The following ADORA2B variants were observed in gnomAD, a reference collection of about 807,000 sequenced individuals.
The protein encoded by ADORA2B is adenosine A2b receptor.
ADORA2B carries 18 observed loss-of-function variants against 20.8 expected under a neutral mutation model. The observed-to-expected ratio is 0.87, with a 90% CI of 0.60 to 1.29. The LOEUF is 1.29. Among genes scored for constraint, ADORA2B ranks in the 50% most tolerant of loss-of-function variants. The pLI is 0.00. For missense variants in ADORA2B, 441 were observed against 422.7 expected (o/e 1.04, Z -0.38); for synonymous variants, 179 against 178.3 (o/e 1.00, Z -0.03).
At position 15,974,791 on chromosome 17, in the gene ADORA2B, G is replaced by A. The variant is rs1210357676; in HGVS notation, c.448G>A (p.Ala150Thr). The change falls in exon 2 of 2, where the codon GCC becomes ACC. Residue 150 changes from alanine to threonine, a missense_variant. Transcript: ENST00000304222. ...PFLGWNSKDS[A>T]TNNCTEPWDG... Reference sequence around the variant, plus strand: ...CCTGGGGTGGAACAGTAAAGACAGTGCCACCAACAACTGCACAGAACCCTG... The same window carrying A: ...CCTGGGGTGGAACAGTAAAGACAGTACCACCAACAACTGCACAGAACCCTG... 1 of 1,613,500 alleles carries A rather than the reference G, an allele frequency of 6.2e-7. No homozygotes were observed. Among genetic ancestry groups the A allele is most frequent in the Non-Finnish European group, 8.5e-7 (1 of 1,179,896 alleles).
intron 1 of ADORA2B, among the ~76,000 whole-genome samples, chr17:15,963,435 T>C (rs1302951417): frequency 1.3e-5 from 2 of 152,208 alleles, no homozygotes; most frequent in Admixed American, 6.5e-5. Context: ...TGGCGGCTGA[T>C]GCTTTTGACA....
the ADORA2B span, among the ~76,000 whole-genome samples, chr17:15,872,305 C>T: frequency 5.1e-3 from 782 of 152,230 alleles, 2 homozygotes; most frequent in Admixed American, 8.9e-3. Context: ...AGTACCATGC[C>T]GTTTTGGTAA....
the ADORA2B span, among the ~76,000 whole-genome samples, chr17:15,930,889 C>A: frequency 2.0e-4 from 30 of 152,354 alleles, no homozygotes; most frequent in African/African-American, 7.0e-4. Flanking sequence ...AGTGTTTGTT[C>A]AGCACAGCTG....
the ADORA2B span, among the ~76,000 whole-genome samples, chr17:15,939,786 A>G: frequency 2.0e-5 from 3 of 149,104 alleles, no homozygotes; most frequent in Non-Finnish European, 4.4e-5. Context: ...GCATGAACCC[A>G]GGAGGCGGAG....
At chr17:15,932,796 A>G in the ADORA2B span, among the ~76,000 whole-genome samples, 1 of 152,184 alleles carries the variant, frequency 6.6e-6, no homozygotes, top group African/African-American at 2.4e-5. Flanking sequence ...GTTCTAATTC[A>G]TCAATCTATA....
chr17:15,892,360 G>A, the ADORA2B span, among the ~76,000 whole-genome samples: 1 of 152,076 alleles, frequency 6.6e-6, no homozygotes, highest in Non-Finnish European at 1.5e-5. Flanking sequence ...TAGAGACAGG[G>A]TTTTTGCCCT....
the ADORA2B span, among the ~76,000 whole-genome samples, chr17:15,869,767 A>G: frequency 1.3e-5 from 2 of 152,294 alleles, no homozygotes; most frequent in Admixed American, 6.5e-5. Flanking sequence ...GAATTAAAAT[A>G]CACACATAAA....
the ADORA2B span, among the ~76,000 whole-genome samples, chr17:15,923,094 C>T: frequency 6.3e-3 from 948 of 150,906 alleles, 7 homozygotes; most frequent in Middle Eastern, 0.027. Flanking sequence ...GTGATCTCGG[C>T]TCACTGCAAC....
chr17:15,967,961 T>C (rs1970141925), intron 1 of ADORA2B, among the ~76,000 whole-genome samples: 1 of 152,212 alleles, frequency 6.6e-6, no homozygotes, highest in South Asian at 2.1e-4. Flanking sequence ...GTTCCAATGC[T>C]TCTTGGCCTC....
At chr17:15,949,920 C>A (rs1969874931) in intron 1 of ADORA2B, among the ~76,000 whole-genome samples, 1 of 152,160 alleles carries the variant, frequency 6.6e-6, no homozygotes, top group African/African-American at 2.4e-5. Flanking sequence ...CTCCAGCTTT[C>A]CCAAGAGCTC....
intron 1 of ADORA2B, among the ~76,000 whole-genome samples, chr17:15,946,970 G>C (rs1247552634): frequency 6.6e-6 from 1 of 152,204 alleles, no homozygotes; most frequent in East Asian, 1.9e-4. Context: ...GGCCATTTGA[G>C]TAGGCAGATG....
the ADORA2B span, among the ~76,000 whole-genome samples, chr17:15,887,774 C>T: frequency 8.1e-6 from 1 of 123,002 alleles, no homozygotes. Flanking sequence ...GGTGAAACCA[C>T]GTCTCTACTA....
At chr17:15,895,967 G>A in the ADORA2B span, among the ~76,000 whole-genome samples, 1 of 152,176 alleles carries the variant, frequency 6.6e-6, no homozygotes, top group Non-Finnish European at 1.5e-5. Context: ...AGAAATGTTT[G>A]CAACTCCACC....
the ADORA2B span, among the ~76,000 whole-genome samples, chr17:15,856,320 A>C: frequency 6.6e-6 from 1 of 151,676 alleles, no homozygotes; most frequent in Non-Finnish European, 1.5e-5. Context: ...CCTTTCTACC[A>C]TGATTGTAAG....
chr17:15,875,727 C>G, the ADORA2B span, among the ~76,000 whole-genome samples: 1 of 152,164 alleles, frequency 6.6e-6, no homozygotes, highest in South Asian at 2.1e-4. Context: ...GGATTACAGG[C>G]ACATGCCACC....
chr17:15,965,142 A>AAT (rs1970099771), intron 1 of ADORA2B, among the ~76,000 whole-genome samples: 1 of 152,214 alleles, frequency 6.6e-6, no homozygotes, highest in Non-Finnish European at 1.5e-5. Context: ...TCGTCATAAC[A>AAT]ATATCCCCTC....
the ADORA2B span, among the ~76,000 whole-genome samples, chr17:15,915,326 A>G: frequency 8.5e-5 from 13 of 152,202 alleles, no homozygotes; most frequent in Admixed American, 2.0e-4. Flanking sequence ...GCCTATCTGG[A>G]GAATCCAGGC....
At chr17:15,971,976 C>A (rs1336185150) in intron 1 of ADORA2B, among the ~76,000 whole-genome samples, 1 of 152,092 alleles carries the variant, frequency 6.6e-6, no homozygotes, top group Admixed American at 6.6e-5. Context: ...GGGAACTGTG[C>A]TAGGTCTTCG....
chr17:15,876,636 T>C, the ADORA2B span, among the ~76,000 whole-genome samples: 1 of 152,114 alleles, frequency 6.6e-6, no homozygotes, highest in African/African-American at 2.4e-5. Flanking sequence ...CTTTGCCTTA[T>C]AGTTTTGTTT....
Sources: allele counts gnomAD v4.1 joint callset (sites outside exome capture counted in the v4.1 genomes callset), GRCh38; gene constraint gnomAD v4.1.1; transcripts MANE v1.5; gene names NCBI Gene and HGNC (gene_info 2026-07-23, HGNC 2026-07-21).